RBM33: variants seen among roughly 807,000 people sequenced by gnomAD.
RBM33 encodes RNA-binding protein 33.
In RBM33, 28 loss-of-function variants were observed where a neutral mutation model predicts 132.6. That is an observed-to-expected ratio of 0.21 (90% CI 0.16 to 0.29). RBM33 has a LOEUF of 0.29. Among genes scored for constraint, RBM33 ranks in the 10% least tolerant of loss-of-function variants. The pLI is 1.00. For missense variants in RBM33, 1,291 were observed against 1,518.5 expected (o/e 0.85, Z 2.49); for synonymous variants, 634 against 593.0 (o/e 1.07, Z -1.01).
chr7:155,767,143 C>G (rs1359453332), intron 16 of RBM33, among the ~76,000 whole-genome samples: 10 of 152,244 alleles, frequency 6.6e-5, no homozygotes. Flanking sequence ...CTGGCTAACT[C>G]TAATGCTGAA....
chr7:155,712,717 G>A (rs1389326717), intron 8 of RBM33, among the ~76,000 whole-genome samples: 1 of 152,224 alleles, frequency 6.6e-6, no homozygotes, highest in Non-Finnish European at 1.5e-5. Context: ...TGCCTTGTGT[G>A]TTTGAGTAGC....
chr7:155,743,846 C>T (rs1380918685), intron 13 of RBM33, among the ~76,000 whole-genome samples: 1 of 152,170 alleles, frequency 6.6e-6, no homozygotes, highest in African/African-American at 2.4e-5. Flanking sequence ...AATATGTCCC[C>T]AGCCGTCTGC....
At chr7:155,764,335 G>C (rs1802144112) in intron 15 of RBM33, among the ~76,000 whole-genome samples, 1 of 152,184 alleles carries the variant, frequency 6.6e-6, no homozygotes, top group South Asian at 2.1e-4. Context: ...CTGCGTGTCA[G>C]CATGCTTTCC....
In RBM33 at chr7:155,680,794, C is replaced by T. The variant is rs79072920; in HGVS notation, c.453C>T (p.His151=). 8.9e-5 allele frequency: 144 copies of T among 1,613,716 alleles called. No individual in the cohort carries two copies. In the East Asian group the frequency reaches 1.9e-3, roughly 21 times the overall value. The change falls in exon 5 of 18, where the codon CAC becomes CAT. Residue 151 remains histidine (H), a synonymous_variant. Coordinates refer to ENST00000401878, the MANE Select transcript of RBM33 (RefSeq NM_053043.3). ...CAGAAGAAGGACAGTATGAAGGCCA[C>T]GAAGCTGAGTTGACAGAAGACCAAA... ...EYPEEGQYEG[H]EAELTEDQIE...
intron 9 of RBM33, among the ~76,000 whole-genome samples, chr7:155,735,696 TCTC>T (rs546367859): frequency 5.3e-3 from 2 of 374 alleles, no homozygotes; most frequent in Non-Finnish European, 0.028. Flanking sequence ...ACCCTGTCTC[TCTC>T]TCTCTCTCTC....
Position 155,779,874 on chromosome 7 carries a change from A to T in RBM33, c.*4833A>T, listed in dbSNP as rs1802754695. The T allele has an allele frequency of 6.6e-6, 1 of 152,184 alleles. No individual in the cohort carries two copies. Among genetic ancestry groups the T allele is most frequent in the Admixed American group, 6.5e-5 (1 of 15,280 alleles). 9.4% of individuals were successfully genotyped at this position (152,184 alleles called of 1,614,324 possible). A position where few individuals can be genotyped will look rare whatever the true frequency, so the allele number is the denominator to read the frequency against. On this transcript the variant is annotated 3_prime_UTR_variant, in exon 18 of 18. Coordinates refer to ENST00000401878, the MANE Select transcript of RBM33 (RefSeq NM_053043.3). The stretch of plus-strand genomic sequence containing the variant: ...TACTTGCTTTTTCCTTTGACTTCTA[A>T]CCAACTAAAAGAGAAGGAGGTCTTC...
At chr7:155,694,298 T>C (rs1799730429) in intron 5 of RBM33, among the ~76,000 whole-genome samples, 1 of 152,228 alleles carries the variant, frequency 6.6e-6, no homozygotes, top group Non-Finnish European at 1.5e-5. Context: ...ATCAGTCTTT[T>C]ATAGTTAATG....
intron 5 of RBM33, among the ~76,000 whole-genome samples, chr7:155,687,424 G>T (rs1008006601): frequency 1.3e-5 from 2 of 152,136 alleles, no homozygotes; most frequent in Non-Finnish European, 2.9e-5. Context: ...CATTCTGTAG[G>T]TTGCCTGTTC....
At chr7:155,718,547 G>A (rs1476926579) in intron 9 of RBM33, 104 bp downstream of exon 9, 1 of 965,218 alleles carries the variant, frequency 1.0e-6, no homozygotes, top group Non-Finnish European at 1.6e-6. Flanking sequence ...ATAATTTTAA[G>A]GATTTGCAAA....
intron 9 of RBM33, among the ~76,000 whole-genome samples, chr7:155,724,990 T>TGTG (rs1800742260): frequency 8.9e-5 from 11 of 123,366 alleles, no homozygotes; most frequent in South Asian, 2.6e-4. Context: ...GTGTACAGGT[T>TGTG]TGTGTGTGTG....
intron 14 of RBM33, among the ~76,000 whole-genome samples, chr7:155,760,781 T>C (rs1230128588): frequency 6.6e-6 from 1 of 152,236 alleles, no homozygotes; most frequent in Non-Finnish European, 1.5e-5. Flanking sequence ...GTACTCAGTA[T>C]AGGCCCTCCC....
intron 1 of RBM33, among the ~76,000 whole-genome samples, chr7:155,662,360 ACATTCT>A (rs1798675740): frequency 3.3e-5 from 5 of 151,976 alleles, no homozygotes; most frequent in Admixed American, 3.3e-4. Flanking sequence ...CAGCTCATCT[ACATTCT>A]GGCCATATTT....
At chr7:155,719,535 T>A (rs1800561383) in intron 9 of RBM33, among the ~76,000 whole-genome samples, 1 of 152,214 alleles carries the variant, frequency 6.6e-6, no homozygotes, top group Non-Finnish European at 1.5e-5. Context: ...GCTAATGTGT[T>A]TCTATAAGTT....
chr7:155,771,326 G>A (rs1011643733), intron 16 of RBM33, among the ~76,000 whole-genome samples: 3 of 152,120 alleles, frequency 2.0e-5, no homozygotes, highest in Non-Finnish European at 4.4e-5. Context: ...ATTTTGGTAG[G>A]TCAAAAATGG....
chr7:155,707,334 A>G, intron 7 of RBM33: 2 of 584,300 alleles, frequency 3.4e-6, no homozygotes, highest in South Asian at 3.0e-5. Context: ...CTGATGCCCT[A>G]AGATGACATA....
At chr7:155,667,498 C>T (rs970508107) in intron 2 of RBM33, among the ~76,000 whole-genome samples, 3 of 152,130 alleles carry the variant, frequency 2.0e-5, no homozygotes, top group African/African-American at 7.2e-5. Context: ...ATTTTTTGTT[C>T]TGATTCAAGA....
intron 14 of RBM33, among the ~76,000 whole-genome samples, chr7:155,753,333 T>C (rs1801742470): frequency 6.6e-6 from 1 of 152,240 alleles, no homozygotes. Flanking sequence ...GCTGTTTGAA[T>C]TGTGTTAAGT....
Position 155,781,212 on chromosome 7 carries a change from T to A in RBM33, c.*6171T>A, listed in dbSNP as rs1219956989. ...GACATGGAGAGATGACGGGAGTGCG[T>A]TTCTCTGGGTTTGATCTCCATCCTG... On this transcript the variant is annotated 3_prime_UTR_variant, in exon 18 of 18. Transcript: ENST00000401878. 2.0e-5 allele frequency: 3 copies of A among 152,448 alleles called. No individual in the cohort carries two copies. Among genetic ancestry groups the A allele is most frequent in the African/African-American group, 4.8e-5 (2 of 41,418 alleles). The allele number at this position is 152,448 out of a possible 1,614,324, so 9.4% of individuals were successfully genotyped here.
rs563493197 is a variant in RBM33 at position 155,737,247 on chromosome 7, T to C, written c.1261-283T>C. Among the ~76,000 whole-genome samples, 945 of 148,108 alleles carry C rather than the reference T, an allele frequency of 6.4e-3. 6 individuals carry two copies. The highest frequency in any genetic ancestry group is 0.013 in the East Asian group (64 of 5,044). On this transcript the variant is annotated intron_variant, in intron 9 of 17. Coordinates refer to ENST00000401878, the MANE Select transcript of RBM33 (RefSeq NM_053043.3). Reference sequence around the variant, plus strand: ...GAAAGCGCTACCATCTAGGTGCGCGTGTGTGTGTGTGTGTGTGTGATTACA... The same window carrying C: ...GAAAGCGCTACCATCTAGGTGCGCGCGTGTGTGTGTGTGTGTGTGATTACA...
Sources: allele counts gnomAD v4.1 joint callset (sites outside exome capture counted in the v4.1 genomes callset), GRCh38; gene constraint gnomAD v4.1.1; transcripts MANE v1.5; gene names NCBI Gene and HGNC (gene_info 2026-07-23, HGNC 2026-07-21).